Variants in TRHDE observed in about 807,000 individuals in gnomAD.
TRHDE encodes thyrotropin-releasing hormone-degrading ectoenzyme.
TRHDE carries 72 observed loss-of-function variants against 125.7 expected under a neutral mutation model. The ratio of observed to expected loss-of-function variants is 0.57; its 90% CI spans 0.47 to 0.70. The LOEUF (loss-of-function observed/expected upper bound fraction) is 0.70. TRHDE is among the 30% of genes least tolerant of loss of function. TRHDE has a pLI of 0.00. For missense variants in TRHDE, 1,110 were observed against 1,327.1 expected (o/e 0.84, Z 2.54); for synonymous variants, 509 against 509.1 (o/e 1.00, Z 0.00).
At chr12:72,502,215 T>C (rs1180808581) in intron 6 of TRHDE, among the ~76,000 whole-genome samples, 1 of 152,088 alleles carries the variant, frequency 6.6e-6, no homozygotes, top group African/African-American at 2.4e-5. Flanking sequence ...TAAATTCTTC[T>C]TTTCTCTACT....
chr12:72,649,390 C>T (rs1364121896), intron 15 of TRHDE, among the ~76,000 whole-genome samples: 1 of 151,694 alleles, frequency 6.6e-6, no homozygotes, highest in African/African-American at 2.4e-5. Context: ...ATACCGTACA[C>T]AAAAATCAAT....
intron 2 of TRHDE, among the ~76,000 whole-genome samples, chr12:72,184,045 A>G (rs951012239): frequency 8.5e-5 from 13 of 152,250 alleles, no homozygotes; most frequent in Admixed American, 6.5e-5. Context: ...CCAAGGGTAC[A>G]TAAAATAGCT....
At chr12:72,360,873 G>T (rs1419443843) in intron 2 of TRHDE, among the ~76,000 whole-genome samples, 4 of 151,766 alleles carry the variant, frequency 2.6e-5, no homozygotes, top group Admixed American at 2.0e-4. Context: ...GGATATGGAG[G>T]TTTGTTACAT....
chr12:72,570,120 G>T (rs1366903124), intron 10 of TRHDE, among the ~76,000 whole-genome samples: 2 of 152,186 alleles, frequency 1.3e-5, no homozygotes, highest in African/African-American at 4.8e-5. Flanking sequence ...AGAGGGTAAA[G>T]ATACTGATCA....
intron 2 of TRHDE, among the ~76,000 whole-genome samples, chr12:72,183,057 T>C (rs1877126636): frequency 1.3e-5 from 2 of 152,212 alleles, no homozygotes; most frequent in South Asian, 4.1e-4. Flanking sequence ...TCTATCCCCA[T>C]GAGGCTTGCC....
intron 15 of TRHDE, among the ~76,000 whole-genome samples, chr12:72,650,017 C>A (rs763011987): frequency 1.3e-5 from 2 of 152,030 alleles, no homozygotes; most frequent in Non-Finnish European, 2.9e-5. Flanking sequence ...AATCCAGCAT[C>A]CCATTTGTAG....
At chr12:72,469,720 T>C (rs767092943) in intron 3 of TRHDE, 38 bp from the exon 4 acceptor site, 38 of 1,597,980 alleles carry the variant, frequency 2.4e-5, no homozygotes, top group Non-Finnish European at 2.7e-5. Context: ...TCTGGTGTCT[T>C]TGTTAAAGCC....
At chr12:72,272,022 C>T (rs1481055238), upstream of TRHDE, 1 of 456,898 alleles carries the variant, frequency 2.2e-6, no homozygotes, top group Non-Finnish European at 4.4e-6. This position sits in a 1 kb window ranked among gnomAD's most constrained non-coding sequence, Gnocchi z 6.7. Context: ...GGACTTCCTC[C>T]TGCTGGTTCA....
At chr12:72,400,058 C>A (rs1033237277) in intron 3 of TRHDE, among the ~76,000 whole-genome samples, 15 of 151,932 alleles carry the variant, frequency 9.9e-5, no homozygotes, top group African/African-American at 3.4e-4. Context: ...TTGTTATATT[C>A]TTTTTGTCTA....
chr12:72,409,624 G>A (rs1402816620), intron 3 of TRHDE, among the ~76,000 whole-genome samples: 3 of 152,182 alleles, frequency 2.0e-5, no homozygotes, highest in African/African-American at 2.4e-5. Context: ...CTCTATGGAT[G>A]TAAATGTGAC....
chr12:72,514,607 C>CTTAA (rs1292614392), intron 6 of TRHDE, among the ~76,000 whole-genome samples: 2 of 151,438 alleles, frequency 1.3e-5, no homozygotes, highest in Admixed American at 1.3e-4. Context: ...GGATTCAAGC[C>CTTAA]TTAACTACAC....
At chr12:72,546,948 T>G (rs1869446748) in intron 7 of TRHDE, among the ~76,000 whole-genome samples, 1 of 151,686 alleles carries the variant, frequency 6.6e-6, no homozygotes, top group African/African-American at 2.4e-5. Context: ...ATCTTTTATG[T>G]GTGCTTTTCA....
At chr12:72,119,406 T>C (rs571149352) in intron 2 of TRHDE, among the ~76,000 whole-genome samples, 9 of 152,202 alleles carry the variant, frequency 5.9e-5, no homozygotes, top group African/African-American at 2.2e-4. Context: ...GAAGATGCTT[T>C]ATACTATTTG....
intron 2 of TRHDE, among the ~76,000 whole-genome samples, chr12:72,163,450 A>G (rs1876677871): frequency 6.6e-6 from 1 of 152,244 alleles, no homozygotes; most frequent in South Asian, 2.1e-4. Context: ...TGCAATGTCA[A>G]GCCTTAGGGG....
At chr12:72,636,927 T>G (rs572688654) in intron 15 of TRHDE, among the ~76,000 whole-genome samples, 135 of 152,276 alleles carry the variant, frequency 8.9e-4, no homozygotes, top group Middle Eastern at 6.8e-3. Context: ...TGAGGATTTT[T>G]GCATCAATGT....
intron 6 of TRHDE, among the ~76,000 whole-genome samples, chr12:72,502,800 G>T (rs1192372664): frequency 6.6e-6 from 1 of 152,086 alleles, no homozygotes; most frequent in Non-Finnish European, 1.5e-5. Context: ...ATCTAAAACT[G>T]TGGAGAAAAA....
At chr12:72,658,713 A>T (rs1449783874) in intron 18 of TRHDE, among the ~76,000 whole-genome samples, 1 of 152,144 alleles carries the variant, frequency 6.6e-6, no homozygotes, top group East Asian at 1.9e-4. Flanking sequence ...TGCTCCTATA[A>T]TGAAGGGTAT....
chr12:72,379,073 T>C (rs1334042296), intron 3 of TRHDE, among the ~76,000 whole-genome samples: 2 of 152,208 alleles, frequency 1.3e-5, no homozygotes, highest in African/African-American at 4.8e-5. Context: ...GTATTTCTCA[T>C]TGGCAAGAAT....
chr12:72,627,996 A>T (rs1375748957), intron 15 of TRHDE, among the ~76,000 whole-genome samples: 1 of 151,824 alleles, frequency 6.6e-6, no homozygotes. Context: ...ATGCTATTGC[A>T]TATTTCTTCC....
Sources: allele counts gnomAD v4.1 joint callset (sites outside exome capture counted in the v4.1 genomes callset), GRCh38; gene constraint gnomAD v4.1.1; non-coding constraint Gnocchi (gnomAD v3.1); transcripts MANE v1.5; gene names NCBI Gene and HGNC (gene_info 2026-07-23, HGNC 2026-07-21).